Variants in AP4E1 observed in about 807,000 individuals in gnomAD.
AP4E1 encodes AP-4 complex subunit epsilon-1.
A neutral mutation model predicts 128.2 loss-of-function variants in AP4E1; 56 were observed. The observed-to-expected ratio is 0.44, with a 90% confidence interval of 0.35 to 0.55. AP4E1 has a LOEUF of 0.55. Among genes scored for constraint, AP4E1 ranks in the 20% least tolerant of loss-of-function variants. The pLI is 0.00. For synonymous variants in AP4E1, 484 were observed against 473.1 expected, an observed-to-expected ratio of 1.02 and a Z score of -0.30; for missense variants, 1,324 against 1,307.7, an observed-to-expected ratio of 1.01 and a Z score of -0.19.
At chr15:50,907,695 T>C (rs1051111118), upstream of AP4E1, among the ~76,000 whole-genome samples, 3 of 152,320 alleles carry the variant, frequency 2.0e-5, no homozygotes, top group African/African-American at 7.2e-5. Context: ...TCTAGCCGCT[T>C]GAAAACTCTG....
intron 2 of AP4E1, among the ~76,000 whole-genome samples, chr15:50,914,650 C>CAA (rs60591318): frequency 9.6e-5 from 9 of 93,704 alleles, no homozygotes; most frequent in Admixed American, 2.3e-4. Context: ...GACTCTGTCT[C>CAA]AAAAAAAAAA....
intron 15 of AP4E1, among the ~76,000 whole-genome samples, chr15:50,976,804 A>G (rs928598367): frequency 6.6e-6 from 1 of 152,240 alleles, no homozygotes. Context: ...ATACCTAATA[A>G]TAAACTGAAG....
intron 10 of AP4E1, among the ~76,000 whole-genome samples, chr15:50,942,526 A>T (rs2064001527): frequency 1.3e-5 from 2 of 151,652 alleles, no homozygotes; most frequent in Non-Finnish European, 2.9e-5. Flanking sequence ...TATTGAAAGA[A>T]TTAATGAAGA....
chr15:50,922,162 A>C (rs2063711471), intron 3 of AP4E1, among the ~76,000 whole-genome samples: 1 of 118,494 alleles, frequency 8.4e-6, no homozygotes, highest in South Asian at 2.9e-4. Context: ...CCCTATCTCT[A>C]CAAAAAAAAA....
chr15:50,919,851 C>T (rs2063674999), intron 3 of AP4E1, among the ~76,000 whole-genome samples: 1 of 151,742 alleles, frequency 6.6e-6, no homozygotes. Flanking sequence ...CTTAGGTGGG[C>T]AGATCACTTG....
Position 50,930,949 on chromosome 15 carries a change from C to T in AP4E1, c.847C>T (p.Leu283Phe), listed in dbSNP as rs780730473. Residue 283 changes from leucine (L) to phenylalanine (F), a missense_variant, in exon 7 of 21, where the codon CTT becomes TTT. Leu to Phe is a conservative substitution (Grantham distance 22). Transcript: ENST00000261842. The part of the protein sequence containing the change: ...LQIQLLRILG[L>F]LGKDDQRTSE... Reference sequence around the variant, plus strand: ...AATTCAGCTCTTGAGAATACTGGGACTTCTAGGAAAAGATGATCAAAGGTA... The same window carrying T: ...AATTCAGCTCTTGAGAATACTGGGATTTCTAGGAAAAGATGATCAAAGGTA... 1 of 1,614,088 alleles carries T rather than the reference C, an allele frequency of 6.2e-7. No individual in the cohort carries two copies.
chr15:50,949,985 T>C (rs777772007), intron 12 of AP4E1, 47 bp downstream of exon 12: 1 of 1,593,038 alleles, frequency 6.3e-7, no homozygotes, highest in Non-Finnish European at 8.6e-7. Context: ...TAAAGTTTAA[T>C]GTTTTTATTA....
In AP4E1 at chr15:51,002,601, C is replaced by T. The variant is rs1413820373; in HGVS notation, c.3353C>T (p.Ser1118Phe). 4 of 1,614,044 alleles carry T rather than the reference C, an allele frequency of 2.5e-6. No individual in the cohort carries two copies. The highest frequency in any genetic ancestry group is 3.4e-6 in the Non-Finnish European group (4 of 1,180,014). ...GTATTAGCCCTGTGGTTCAGATCCTCCTGTTCTACTCTTCCTGACTATTTA... is the reference window on the plus strand; with the variant it reads ...GTATTAGCCCTGTGGTTCAGATCCTTCTGTTCTACTCTTCCTGACTATTTA... ...ADVLALWFRS[S>F]CSTLPDYLLY... is the part of the protein sequence containing the mutation. The change falls in exon 21 of 21, where the codon TCC (serine) becomes TTC (phenylalanine). Residue 1118 changes from serine (S) to phenylalanine (F), a missense_variant. Physicochemically the swap from Ser to Phe is radical, Grantham distance 155 (BLOSUM62 -2). Transcript: ENST00000261842.
intron 17 of AP4E1, among the ~76,000 whole-genome samples, chr15:50,996,662 A>G (rs577858526): frequency 6.6e-6 from 1 of 152,288 alleles, no homozygotes; most frequent in African/African-American, 2.4e-5. Context: ...TTGCTAGGCA[A>G]GGGAACACTT....
At chr15:50,939,218 A>G (rs1408733988) in intron 8 of AP4E1, among the ~76,000 whole-genome samples, 1 of 152,150 alleles carries the variant, frequency 6.6e-6, no homozygotes, top group African/African-American at 2.4e-5. Context: ...CATGCCTGTA[A>G]TCCCAGCACT....
At chr15:50,992,767 T>G (rs2064822156) in intron 16 of AP4E1, among the ~76,000 whole-genome samples, 1 of 152,212 alleles carries the variant, frequency 6.6e-6, no homozygotes, top group Non-Finnish European at 1.5e-5. Context: ...TAATAATAGT[T>G]GAAAATGTTG....
At chr15:50,990,900 A>G (rs1595578023) in intron 16 of AP4E1, among the ~76,000 whole-genome samples, 1 of 152,184 alleles carries the variant, frequency 6.6e-6, no homozygotes, top group Non-Finnish European at 1.5e-5. Flanking sequence ...AGTATGCAGA[A>G]TAATTAGGAG....
intron 15 of AP4E1, among the ~76,000 whole-genome samples, chr15:50,982,452 T>C (rs2064656879): frequency 6.6e-6 from 1 of 152,220 alleles, no homozygotes. Flanking sequence ...ATGAGACTTA[T>C]TTTGAGCCCT....
At chr15:50,975,670 A>T (rs1359756423) in intron 15 of AP4E1, among the ~76,000 whole-genome samples, 2 of 152,074 alleles carry the variant, frequency 1.3e-5, no homozygotes, top group African/African-American at 4.8e-5. Flanking sequence ...TGCCAGTACT[A>T]TGCTGTTTTG....
At chr15:50,969,299 C>T (rs2064443017) in intron 15 of AP4E1, among the ~76,000 whole-genome samples, 1 of 152,160 alleles carries the variant, frequency 6.6e-6, no homozygotes, top group Non-Finnish European at 1.5e-5. Flanking sequence ...TAAGGATGGC[C>T]TCCAGCTCCA....
At chr15:50,915,344 C>G in intron 2 of AP4E1, 104 bp from the exon 3 acceptor site, 1 of 1,198,342 alleles carries the variant, frequency 8.3e-7, no homozygotes, top group Non-Finnish European at 1.2e-6. Flanking sequence ...GTTATTTCTT[C>G]AGCACCAGGA....
chr15:50,997,550 A>G lies in AP4E1; in HGVS notation c.2571A>G (p.Ser857=), dbSNP rs775947084. 4.3e-6 allele frequency: 7 copies of G among 1,613,968 alleles called. No individual in the cohort carries two copies. Among genetic ancestry groups the G allele is most frequent in the Non-Finnish European group, 5.9e-6 (7 of 1,179,988 alleles). ...CTTCAGAACTTTTGGATTCTGAGTCACTCACAGAACTGCCCTTGGTTGAGA... is the reference window on the plus strand; with the variant it reads ...CTTCAGAACTTTTGGATTCTGAGTCGCTCACAGAACTGCCCTTGGTTGAGA... ...SLTSELLDSE[S]LTELPLVEKF... The change falls in exon 18 of 21, where the codon TCA becomes TCG. Residue 857 remains serine (S), a synonymous_variant. Coordinates refer to ENST00000261842, the MANE Select transcript of AP4E1 (RefSeq NM_007347.5).
intron 10 of AP4E1, chr15:50,945,813 T>G (rs2064053976): frequency 2.6e-6 from 2 of 771,330 alleles, no homozygotes; most frequent in Non-Finnish European, 4.7e-6. Context: ...TTCAGCATCA[T>G]CCTGATATAA....
chr15:50,993,406 G>T lies in AP4E1; in HGVS notation c.2127G>T (p.Leu709Phe). 4 of 1,613,984 alleles carry T rather than the reference G, an allele frequency of 2.5e-6. No individual in the cohort carries two copies. Among genetic ancestry groups the T allele is most frequent in the Non-Finnish European group, 3.4e-6 (4 of 1,179,950 alleles). Residue 709 changes from leucine (L) to phenylalanine (F), a missense_variant, in exon 17 of 21, where the codon TTG becomes TTT. Leu to Phe is a conservative substitution (Grantham distance 22). Coordinates refer to ENST00000261842, the MANE Select transcript of AP4E1 (RefSeq NM_007347.5). The part of the protein sequence containing the change: ...NSLKLEGIKK[L>F]WGKEGYLPKK... ...TGAAGCTGGAAGGTATAAAGAAATT[G>T]TGGGGGAAAGAAGGCTATCTTCCCA... is the stretch of plus-strand genomic sequence containing the variant.
Sources: gnomAD v4.1 joint callset for allele counts (sites outside exome capture counted in the v4.1 genomes callset) on GRCh38, gnomAD v4.1.1 for gene constraint, MANE v1.5 for transcripts, NCBI Gene and HGNC (gene_info 2026-07-23, HGNC 2026-07-21) for gene names.